Variants in GLIS3 observed in about 807,000 individuals in gnomAD.
GLIS3 encodes GLIS family zinc finger 3, also known as zinc finger protein GLIS3.
A neutral mutation model predicts 78.6 loss-of-function variants in GLIS3; 53 were observed. That is an observed-to-expected ratio of 0.67 (90% CI 0.54 to 0.85). The LOEUF is 0.85. Ranked by LOEUF, GLIS3 falls within the 40% of genes least tolerant of loss-of-function variation. The pLI is 0.00. For missense variants in GLIS3, 1,703 were observed against 1,231.1 expected (o/e 1.38, Z -5.74); for synonymous variants, 684 against 509.9 (o/e 1.34, Z -4.60).
the GLIS3 span, among the ~76,000 whole-genome samples, chr9:4,490,289 G>T: frequency 1.3e-5 from 2 of 152,188 alleles, no homozygotes; most frequent in Admixed American, 1.3e-4. Flanking sequence ...CGGAGAGGCC[G>T]CCCCAGCTCC....
chr9:4,233,191 C>G (rs1040506483), intron 2 of GLIS3, among the ~76,000 whole-genome samples: 1 of 152,202 alleles, frequency 6.6e-6, no homozygotes, highest in African/African-American at 2.4e-5. Flanking sequence ...GAGGTGAACC[C>G]TGATGCTCTT....
intron 2 of GLIS3, among the ~76,000 whole-genome samples, chr9:4,216,033 G>GT (rs942457540): frequency 2.0e-4 from 31 of 152,032 alleles, no homozygotes; most frequent in African/African-American, 7.5e-4. Flanking sequence ...CCTTCCTAAT[G>GT]TTTGAGAAAA....
chr9:4,249,918 C>T (rs1315075823), intron 2 of GLIS3, among the ~76,000 whole-genome samples: 1 of 152,166 alleles, frequency 6.6e-6, no homozygotes, highest in East Asian at 1.9e-4. Flanking sequence ...TGATGGATTA[C>T]ATTTATTGAT....
chr9:4,145,447 T>G (rs1417900837), intron 2 of GLIS3, among the ~76,000 whole-genome samples: 1 of 139,272 alleles, frequency 7.2e-6, no homozygotes, highest in Non-Finnish European at 1.6e-5. Flanking sequence ...ACAACTGCTG[T>G]GATACATATA....
chr9:3,987,004 A>G (rs1358816567), intron 4 of GLIS3, among the ~76,000 whole-genome samples: 1 of 152,258 alleles, frequency 6.6e-6, no homozygotes, highest in Non-Finnish European at 1.5e-5. Flanking sequence ...GATCAGATGA[A>G]TTAGATCTTG....
chr9:3,864,067 CCT>C (rs1820412995), intron 8 of GLIS3, among the ~76,000 whole-genome samples: 1 of 152,064 alleles, frequency 6.6e-6, no homozygotes. Context: ...TCTGCCAAAT[CCT>C]CTCTTTAAAA....
At chr9:4,322,308 G>T (rs1465061862) in intron 2 of GLIS3, among the ~76,000 whole-genome samples, 1 of 152,106 alleles carries the variant, frequency 6.6e-6, no homozygotes, top group African/African-American at 2.4e-5. Flanking sequence ...TTCGAAGTCT[G>T]TGCTGTTGTG....
chr9:3,977,800 T>C lies in GLIS3; in HGVS notation c.1711-40611A>G, dbSNP rs137946517. Reference sequence around the variant, plus strand: ...AAGAGGAGAAAAAAATATTCTTAATTGAATTGAACCAGGAACACTAGCAGT... The same window carrying C: ...AAGAGGAGAAAAAAATATTCTTAATCGAATTGAACCAGGAACACTAGCAGT... On this transcript the variant is annotated intron_variant, in intron 4 of 10. Transcript: ENST00000381971. This position sits in a 1 kb window ranked among gnomAD's most constrained non-coding sequence, Gnocchi z 4.1. Among the ~76,000 whole-genome samples the C allele has an allele frequency of 6.6e-6, 1 of 152,310 alleles. No individual in the cohort carries two copies. The highest frequency in any genetic ancestry group is 1.5e-5 in the Non-Finnish European group (1 of 68,028).
At chr9:4,195,800 C>G (rs1017881566) in intron 2 of GLIS3, among the ~76,000 whole-genome samples, 2 of 152,236 alleles carry the variant, frequency 1.3e-5, no homozygotes, top group East Asian at 1.9e-4. Context: ...GATGCACCAA[C>G]AGGCACTCTG....
At chr9:4,028,957 A>G (rs1823580374) in intron 4 of GLIS3, among the ~76,000 whole-genome samples, 1 of 152,206 alleles carries the variant, frequency 6.6e-6, no homozygotes, top group Admixed American at 6.5e-5. Flanking sequence ...TTCAGGTGGT[A>G]AGATACATTA....
chr9:4,257,735 G>A (rs1258846523), intron 2 of GLIS3, among the ~76,000 whole-genome samples: 2 of 151,936 alleles, frequency 1.3e-5, no homozygotes, highest in South Asian at 2.1e-4. Flanking sequence ...CACCACGCCC[G>A]GCTAATTTTT....
At chr9:3,849,849 C>T (rs1043767155) in intron 9 of GLIS3, among the ~76,000 whole-genome samples, 91 of 151,592 alleles carry the variant, frequency 6.0e-4, no homozygotes, top group African/African-American at 2.1e-3. Context: ...GCAGAGGTTG[C>T]AGTGAACATA....
At chr9:3,994,150 T>G (rs1435546492) in intron 4 of GLIS3, among the ~76,000 whole-genome samples, 3 of 152,200 alleles carry the variant, frequency 2.0e-5, no homozygotes, top group Non-Finnish European at 2.9e-5. Context: ...ACCACCTGCT[T>G]TATACTCTGG....
chr9:3,973,021 T>C (rs1352964216), intron 4 of GLIS3, among the ~76,000 whole-genome samples: 1 of 152,124 alleles, frequency 6.6e-6, no homozygotes, highest in East Asian at 1.9e-4. Context: ...TCAAAACACC[T>C]TCAGGTGCAA....
the GLIS3 span, among the ~76,000 whole-genome samples, chr9:4,464,257 T>C: frequency 6.6e-6 from 1 of 152,140 alleles, no homozygotes; most frequent in Non-Finnish European, 1.5e-5. Flanking sequence ...CAATGGTCTC[T>C]TTGTAGCATT....
chr9:4,278,723 T>C (rs981245534), intron 2 of GLIS3, among the ~76,000 whole-genome samples: 3 of 152,212 alleles, frequency 2.0e-5, no homozygotes, highest in Admixed American at 6.5e-5. Flanking sequence ...TATGAAAGAT[T>C]GTTGGAGGAC....
At chr9:4,450,453 A>C in the GLIS3 span, among the ~76,000 whole-genome samples, 1 of 152,226 alleles carries the variant, frequency 6.6e-6, no homozygotes. Context: ...AACATCCCCA[A>C]CCTAGCAAGA....
At chr9:4,356,275 G>C in the GLIS3 span, among the ~76,000 whole-genome samples, 2 of 152,162 alleles carry the variant, frequency 1.3e-5, no homozygotes, top group African/African-American at 2.4e-5. Flanking sequence ...CCACAATTTA[G>C]GAGGACTGGG....
intron 2 of GLIS3, among the ~76,000 whole-genome samples, chr9:4,276,592 G>C (rs1023675646): frequency 6.6e-6 from 1 of 151,440 alleles, no homozygotes; most frequent in Non-Finnish European, 1.5e-5. Context: ...AAATGCTATA[G>C]GTGACTAATG....
Sources: allele counts gnomAD v4.1 joint callset (sites outside exome capture counted in the v4.1 genomes callset), GRCh38; gene constraint gnomAD v4.1.1; non-coding constraint Gnocchi (gnomAD v3.1); transcripts MANE v1.5; gene names NCBI Gene and HGNC (gene_info 2026-07-23, HGNC 2026-07-21).